The following CACNA1C variants were observed in gnomAD, a reference collection of about 807,000 sequenced individuals.
CACNA1C encodes the protein calcium voltage-gated channel subunit alpha1 C.
A neutral mutation model predicts 229.0 loss-of-function variants in CACNA1C; 30 were observed. The observed-to-expected ratio is 0.13, with a 90% CI of 0.10 to 0.18. CACNA1C has a LOEUF of 0.18. Ranked by LOEUF, CACNA1C falls within the 10% of genes least tolerant of loss-of-function variation. CACNA1C has a pLI of 1.00. For missense variants in CACNA1C, 1,658 were observed against 2,845.0 expected, an observed-to-expected ratio of 0.58 and a Z score of 9.49; for synonymous variants, 1,114 against 1,132.5, an observed-to-expected ratio of 0.98 and a Z score of 0.33.
At chr12:2,315,702 T>C (rs1398553674) in intron 3 of CACNA1C, among the ~76,000 whole-genome samples, 2 of 152,228 alleles carry the variant, frequency 1.3e-5, no homozygotes, top group African/African-American at 4.8e-5. Context: ...CTATTAATTG[T>C]ACGCACATTA....
At chr12:2,361,517 C>G (rs113204661) in intron 3 of CACNA1C, among the ~76,000 whole-genome samples, 5,314 of 152,168 alleles carry the variant, frequency 0.035, 292 homozygotes, top group African/African-American at 0.12. Flanking sequence ...CTCCCTTCTG[C>G]CTCCCTCCCT....
At chr12:2,327,214 C>T (rs1174703498) in intron 3 of CACNA1C, among the ~76,000 whole-genome samples, 2 of 152,232 alleles carry the variant, frequency 1.3e-5, no homozygotes, top group Non-Finnish European at 2.9e-5. Flanking sequence ...CAGACCTGCT[C>T]CTTGAGATTG....
At chr12:2,098,660 G>A (rs964335319) in intron 1 of CACNA1C, among the ~76,000 whole-genome samples, 2 of 152,202 alleles carry the variant, frequency 1.3e-5, no homozygotes, top group African/African-American at 2.4e-5. Context: ...ATGGGATATA[G>A]CGATTGTTTT....
intron 3 of CACNA1C, among the ~76,000 whole-genome samples, chr12:2,282,589 A>G (rs191886092): frequency 6.6e-6 from 1 of 152,140 alleles, no homozygotes; most frequent in African/African-American, 2.4e-5. Flanking sequence ...CTCACAGCTC[A>G]TGGGATCAGA....
chr12:2,411,841 C>A (rs963297299), intron 3 of CACNA1C, among the ~76,000 whole-genome samples: 1 of 152,228 alleles, frequency 6.6e-6, no homozygotes, highest in Non-Finnish European at 1.5e-5. Context: ...AAGCTCTGCC[C>A]CAAAGGAATT....
At position 2,665,517 on chromosome 12, in the gene CACNA1C, G is replaced by T. The variant is rs2096042784; in HGVS notation, c.4399-64G>T. The stretch of plus-strand genomic sequence containing the variant: ...CATCAGTAGGCCCCAGCTGGCAAGG[G>T]GGTTCCAGAGGCAGGTGTGTAGGAA... On this transcript the variant is annotated intron_variant, in intron 35 of 46. Transcript: ENST00000399655. The surrounding 1 kb of genome is among the most constrained non-coding windows in gnomAD (Gnocchi z 5.9). The T allele has an allele frequency of 1.9e-6, 3 of 1,589,468 alleles. No homozygotes were observed. The highest frequency in any genetic ancestry group is 2.6e-6 in the Non-Finnish European group (3 of 1,163,574).
intron 30 of CACNA1C, among the ~76,000 whole-genome samples, chr12:2,641,213 C>T (rs1461696609): frequency 6.6e-6 from 1 of 152,212 alleles, no homozygotes; most frequent in Non-Finnish European, 1.5e-5. Flanking sequence ...GTTTATTCCT[C>T]AAAGGTACCT....
At chr12:2,222,082 A>C (rs1189631486) in intron 3 of CACNA1C, 2 of 152,254 alleles carry the variant, frequency 1.3e-5, no homozygotes, top group Non-Finnish European at 2.9e-5. Flanking sequence ...AGGGAACAAA[A>C]TTACAAATTA....
chr12:2,674,381 A>G (rs2096701387), intron 38 of CACNA1C, 160 bp from the exon 39 acceptor site: 1 of 1,068,558 alleles, frequency 9.4e-7, no homozygotes, highest in Admixed American at 2.8e-5. Flanking sequence ...AAGGAGGTGG[A>G]AAATGGGAAG....
At chr12:2,478,276 G>T (rs1248296551) in intron 5 of CACNA1C, among the ~76,000 whole-genome samples, 1 of 152,282 alleles carries the variant, frequency 6.6e-6, no homozygotes, top group South Asian at 2.1e-4. Flanking sequence ...CCCCCATGCA[G>T]GCAAAACTCC....
intron 9 of CACNA1C, among the ~76,000 whole-genome samples, chr12:2,528,810 A>G (rs944789245): frequency 6.6e-6 from 1 of 152,206 alleles, no homozygotes; most frequent in African/African-American, 2.4e-5. Flanking sequence ...CTGCGCAAGT[A>G]TAGTCAAGCT....
Position 2,255,497 on chromosome 12 carries a change from G to A in CACNA1C, c.477+135067G>A, listed in dbSNP as rs146485642. Among the ~76,000 whole-genome samples, 244 of 152,284 alleles carry A rather than the reference G, an allele frequency of 1.6e-3. 2 individuals carry two copies. The highest frequency in any genetic ancestry group is 5.6e-3 in the African/African-American group (231 of 41,562). ...AGGTGGTGGCTACAGATGGTCCCTG[G>A]CACAGCAAGAAGGCAGTGCCAATCA... On this transcript the variant is annotated intron_variant, in intron 3 of 46. Transcript: ENST00000399655.
At chr12:2,440,533 T>C (rs1476292996) in intron 3 of CACNA1C, among the ~76,000 whole-genome samples, 2 of 152,144 alleles carry the variant, frequency 1.3e-5, no homozygotes, top group Non-Finnish European at 2.9e-5. Context: ...CAGGCATAGG[T>C]GGAGATCCCA....
chr12:2,417,557 C>T (rs1025171939), intron 3 of CACNA1C, among the ~76,000 whole-genome samples: 2 of 152,112 alleles, frequency 1.3e-5, no homozygotes, highest in African/African-American at 4.8e-5. Flanking sequence ...GGGCCCTGTG[C>T]GTGTGCTGCA....
chr12:2,439,365 G>A (rs1340330586), intron 3 of CACNA1C, among the ~76,000 whole-genome samples: 1 of 152,222 alleles, frequency 6.6e-6, no homozygotes, highest in Non-Finnish European at 1.5e-5. Flanking sequence ...GGTTGCAGTT[G>A]GAAAAACGTG....
At chr12:2,673,191 G>A (rs976309284) in intron 38 of CACNA1C, among the ~76,000 whole-genome samples, 2 of 152,190 alleles carry the variant, frequency 1.3e-5, no homozygotes, top group African/African-American at 2.4e-5. Flanking sequence ...AAGACACCCC[G>A]TTGGCTGGGC....
chr12:2,306,307 C>G (rs2095017747), intron 3 of CACNA1C, among the ~76,000 whole-genome samples: 1 of 152,244 alleles, frequency 6.6e-6, no homozygotes, highest in Admixed American at 6.5e-5. Flanking sequence ...CCTGTGCGCT[C>G]TGCCGTCTGA....
chr12:2,334,154 A>G (rs1741911988), intron 3 of CACNA1C, among the ~76,000 whole-genome samples: 2 of 151,992 alleles, frequency 1.3e-5, no homozygotes, highest in Non-Finnish European at 2.9e-5. Flanking sequence ...CCTTCAGGTT[A>G]CCCCCACCTA....
At chr12:2,427,354 A>G (rs1424180991) in intron 3 of CACNA1C, among the ~76,000 whole-genome samples, 2 of 152,122 alleles carry the variant, frequency 1.3e-5, no homozygotes, top group African/African-American at 4.8e-5. Context: ...ACAAATGATC[A>G]TTGTTATTTT....
Sources: allele counts gnomAD v4.1 joint callset (sites outside exome capture counted in the v4.1 genomes callset), GRCh38; gene constraint gnomAD v4.1.1; non-coding constraint Gnocchi (gnomAD v3.1); transcripts MANE v1.5; gene names NCBI Gene and HGNC (gene_info 2026-07-23, HGNC 2026-07-21).